The following AGBL1 variants were observed in gnomAD, a reference collection of about 807,000 sequenced individuals.
AGBL1 encodes the protein cytosolic carboxypeptidase 4.
A neutral mutation model predicts 118.9 loss-of-function variants in AGBL1; 130 were observed. The observed-to-expected ratio is 1.09, with a 90% CI of 0.95 to 1.26. AGBL1 has a LOEUF of 1.26. AGBL1 is among the 50% of genes most tolerant of loss of function. AGBL1 has a pLI of 0.00. For missense variants in AGBL1, 1,584 were observed against 1,298.1 expected, an observed-to-expected ratio of 1.22 and a Z score of -3.38; for synonymous variants, 555 against 478.9, an observed-to-expected ratio of 1.16 and a Z score of -2.08.
chr15:86,591,920 C>T (rs2084342632), intron 21 of AGBL1, among the ~76,000 whole-genome samples: 1 of 152,088 alleles, frequency 6.6e-6, no homozygotes, highest in African/African-American at 2.4e-5. Flanking sequence ...AGTCACCAGT[C>T]AATAATTAAC....
Position 86,270,105 on chromosome 15 carries a change from G to A in AGBL1, c.1987+38G>A, listed in dbSNP as rs775265220. ...GGGGAGCAGGGGCTTTCTGGAACAT[G>A]CCAGGAATGACATTTCTTGACTGTT... On this transcript the variant is annotated intron_variant, in intron 14 of 22. Transcript: ENST00000614907. The A allele has an allele frequency of 1.1e-5, 18 of 1,582,000 alleles. No individual in the cohort carries two copies. In the Admixed American group the frequency reaches 3.3e-4, roughly 29 times the overall value.
chr15:86,588,294 A>G (rs1374501091), intron 21 of AGBL1, among the ~76,000 whole-genome samples: 1 of 152,210 alleles, frequency 6.6e-6, no homozygotes, highest in African/African-American at 2.4e-5. Context: ...TTGATCACCT[A>G]CAGGTCTTAT....
intron 23 of AGBL1, among the ~76,000 whole-genome samples, chr15:86,930,772 A>C (rs1437270811): frequency 6.6e-6 from 1 of 152,178 alleles, no homozygotes; most frequent in East Asian, 1.9e-4. Context: ...CCCCTGAACC[A>C]TAGATATAAA....
chr15:86,100,869 A>G (rs1896673056), intron 1 of AGBL1, among the ~76,000 whole-genome samples: 1 of 151,980 alleles, frequency 6.6e-6, no homozygotes, highest in African/African-American at 2.4e-5. Flanking sequence ...TATTTCATTT[A>G]TCTCTGTTCT....
intron 18 of AGBL1, among the ~76,000 whole-genome samples, chr15:86,449,443 A>AC (rs1364443808): frequency 6.6e-6 from 1 of 152,208 alleles, no homozygotes; most frequent in Non-Finnish European, 1.5e-5. Flanking sequence ...AGCATATTCA[A>AC]CAGTGGTACA....
At chr15:86,333,183 A>C (rs963461803) in intron 17 of AGBL1, among the ~76,000 whole-genome samples, 13 of 152,192 alleles carry the variant, frequency 8.5e-5, no homozygotes, top group Admixed American at 3.3e-4. Context: ...AAATAAATAA[A>C]TCAGAAAAGA....
chr15:86,885,464 G>T (rs1019493017), intron 22 of AGBL1, among the ~76,000 whole-genome samples: 2 of 152,044 alleles, frequency 1.3e-5, no homozygotes, highest in African/African-American at 4.8e-5. Flanking sequence ...ACCATACGTT[G>T]ATTATTTACC....
chr15:86,447,137 A>C (rs959625233), intron 18 of AGBL1, among the ~76,000 whole-genome samples: 2 of 152,060 alleles, frequency 1.3e-5, no homozygotes, highest in African/African-American at 2.4e-5. Context: ...AATTAATTTT[A>C]CTCTTTTCCT....
At chr15:86,849,899 A>G (rs1185090484) in intron 22 of AGBL1, among the ~76,000 whole-genome samples, 1 of 152,254 alleles carries the variant, frequency 6.6e-6, no homozygotes, top group Non-Finnish European at 1.5e-5. Context: ...TTTAATTTTA[A>G]TGAGAAGTCA....
chr15:86,342,927 C>T (rs561898677), intron 17 of AGBL1, among the ~76,000 whole-genome samples: 2 of 152,140 alleles, frequency 1.3e-5, no homozygotes, highest in African/African-American at 4.8e-5. Flanking sequence ...TTTGTAAATT[C>T]AAAGGAGAAA....
chr15:86,314,903 C>T (rs565194946), intron 17 of AGBL1, among the ~76,000 whole-genome samples: 12 of 152,274 alleles, frequency 7.9e-5, no homozygotes, highest in African/African-American at 2.9e-4. Context: ...TGTCATCAGA[C>T]TTGGATTGGA....
At chr15:86,512,867 C>G (rs1335534873) in intron 18 of AGBL1, among the ~76,000 whole-genome samples, 1 of 150,848 alleles carries the variant, frequency 6.6e-6, no homozygotes, top group Admixed American at 6.6e-5. Context: ...TTTTTTTAAC[C>G]ATTTATTATC....
chr15:86,730,258 A>G (rs2077509429), intron 22 of AGBL1, among the ~76,000 whole-genome samples: 1 of 152,328 alleles, frequency 6.6e-6, no homozygotes, highest in Admixed American at 6.5e-5. Flanking sequence ...AAAATTGACA[A>G]GTGGGACCTA....
chr15:86,723,610 C>G (rs1282956232), intron 22 of AGBL1, among the ~76,000 whole-genome samples: 1 of 151,852 alleles, frequency 6.6e-6, no homozygotes, highest in African/African-American at 2.4e-5. Flanking sequence ...ACACATGTAA[C>G]TAACCTGCAC....
At chr15:86,193,780 T>C (rs2077758138) in intron 5 of AGBL1, among the ~76,000 whole-genome samples, 1 of 152,224 alleles carries the variant, frequency 6.6e-6, no homozygotes, top group Non-Finnish European at 1.5e-5. Context: ...TTTTGGAGGC[T>C]GTTCAAAACC....
chr15:86,152,060 G>A (rs2077119371), intron 3 of AGBL1, among the ~76,000 whole-genome samples: 1 of 152,112 alleles, frequency 6.6e-6, no homozygotes, highest in African/African-American at 2.4e-5. Flanking sequence ...TTGTAGATAC[G>A]ACAAATCAAT....
intron 20 of AGBL1, among the ~76,000 whole-genome samples, chr15:86,549,688 C>T (rs1022943168): frequency 6.6e-6 from 1 of 151,808 alleles, no homozygotes; most frequent in Non-Finnish European, 1.5e-5. Context: ...ATGTTGGATT[C>T]ATAATTATTT....
In AGBL1 at chr15:86,909,158, T is replaced by C. The variant is rs1317307608; in HGVS notation, c.*1864T>C. The C allele has an allele frequency of 6.6e-6, 1 of 152,176 alleles. No homozygotes were observed. Among genetic ancestry groups the C allele is most frequent in the South Asian group, 2.1e-4 (1 of 4,832 alleles). The allele number at this position is 152,176 out of a possible 1,614,324, so 9.4% of individuals were successfully genotyped here. A position where few individuals can be genotyped will look rare whatever the true frequency, so the allele number is the denominator to read the frequency against. ...TCTTAATCCCACCGGCTGAAAAAAATGGGCCTATAGCCACAGGAAGCTGCA... is the reference window on the plus strand; with the variant it reads ...TCTTAATCCCACCGGCTGAAAAAAACGGGCCTATAGCCACAGGAAGCTGCA... On this transcript the variant is annotated 3_prime_UTR_variant, in exon 23 of 23. Transcript: ENST00000614907.
At chr15:86,755,337 G>T (rs1449307175) in intron 22 of AGBL1, among the ~76,000 whole-genome samples, 1 of 152,096 alleles carries the variant, frequency 6.6e-6, no homozygotes, top group Non-Finnish European at 1.5e-5. Context: ...TGAAGTTTGA[G>T]TTATTATTAC....
Sources: gnomAD v4.1 joint callset for allele counts (sites outside exome capture counted in the v4.1 genomes callset) on GRCh38, gnomAD v4.1.1 for gene constraint, MANE v1.5 for transcripts, NCBI Gene and HGNC (gene_info 2026-07-23, HGNC 2026-07-21) for gene names.